DYRK1A: variants seen among roughly 807,000 people sequenced by gnomAD.
DYRK1A encodes dual specificity tyrosine phosphorylation regulated kinase 1A, also known as dual specificity tyrosine-phosphorylation-regulated kinase 1A.
A neutral mutation model predicts 79.7 loss-of-function variants in DYRK1A; 9 were observed. The ratio of observed to expected loss-of-function variants is 0.11; its 90% CI spans 0.07 to 0.20. The LOEUF is 0.20. DYRK1A is among the 10% of genes least tolerant of loss of function. The pLI is 1.00. For missense variants in DYRK1A, 622 were observed against 956.0 expected (o/e 0.65, Z 4.61); for synonymous variants, 349 against 329.7 (o/e 1.06, Z -0.63).
At chr21:37,483,894 C>G (rs529895721) in intron 5 of DYRK1A, among the ~76,000 whole-genome samples, 1 of 151,948 alleles carries the variant, frequency 6.6e-6, no homozygotes, top group African/African-American at 2.4e-5. Flanking sequence ...GGGAGTCCCT[C>G]TTGATTAAGG....
intron 1 of DYRK1A, among the ~76,000 whole-genome samples, chr21:37,378,006 A>G (rs2049581993): frequency 6.6e-6 from 1 of 152,178 alleles, no homozygotes; most frequent in Admixed American, 6.5e-5. Flanking sequence ...GAAAAGTAGC[A>G]GTAGTTTATG....
At position 37,472,807 on chromosome 21, in the gene DYRK1A, A is replaced by C; in HGVS notation, c.134A>C (p.Gln45Pro). The C allele has an allele frequency of 1.9e-6, 3 of 1,610,476 alleles. No individual in the cohort carries two copies. The highest frequency in any genetic ancestry group is 2.5e-6 in the Non-Finnish European group (3 of 1,177,388). The change falls in exon 3 of 12, where the codon CAG becomes CCG. Residue 45 changes from glutamine (Q) to proline (P), a missense_variant. This residue lies in a region of DYRK1A where 91 missense variants were observed against 113.8 expected (regional missense o/e 0.80). Transcript: ENST00000647188. The part of the protein sequence containing the change: ...PHSHQYSDRR[Q>P]PNISDQQVSA... ...TCACATCAGTACAGTGACCGTCGCC[A>C]GCCAAACATAAGTGACCAACAGGTT...
intron 6 of DYRK1A, chr21:37,487,368 T>C (rs2052908576): frequency 6.6e-6 from 1 of 152,180 alleles, no homozygotes; most frequent in African/African-American, 2.4e-5. Flanking sequence ...ATGACAATAC[T>C]GAAGTCTAGG....
chr21:37,502,459 C>G (rs574625063), intron 9 of DYRK1A: 2 of 152,112 alleles, frequency 1.3e-5, no homozygotes, highest in East Asian at 3.9e-4. Context: ...ATAATATGCA[C>G]GTTTAACATT....
intron 2 of DYRK1A, among the ~76,000 whole-genome samples, chr21:37,463,986 T>C (rs898851594): frequency 1.3e-5 from 2 of 152,226 alleles, no homozygotes; most frequent in African/African-American, 4.8e-5. Flanking sequence ...AAATCTACTA[T>C]CAATTAATAC....
chr21:37,504,391 T>C (rs1034728051), intron 9 of DYRK1A: 1 of 152,256 alleles, frequency 6.6e-6, no homozygotes, highest in Non-Finnish European at 1.5e-5. Context: ...ACTTGCGCCT[T>C]CTCCCACTGC....
intron 7 of DYRK1A, among the ~76,000 whole-genome samples, chr21:37,491,872 A>C (rs1302360798): frequency 2.0e-5 from 3 of 152,190 alleles, no homozygotes; most frequent in Admixed American, 6.5e-5. Flanking sequence ...CCCTACAATA[A>C]GTTTTTAACT....
intron 1 of DYRK1A, among the ~76,000 whole-genome samples, chr21:37,397,950 G>A (rs915247907): frequency 1.3e-5 from 2 of 151,654 alleles, no homozygotes; most frequent in Non-Finnish European, 2.9e-5. Context: ...TAAAAGTACC[G>A]TAAAAGACTG....
At chr21:37,375,124 A>C (rs1019885225) in intron 1 of DYRK1A, 2 of 152,172 alleles carry the variant, frequency 1.3e-5, no homozygotes, top group Non-Finnish European at 2.9e-5. Context: ...TAAAGTAAGT[A>C]TGTGGCTTTT....
At chr21:37,496,645 GA>G (rs767252990) in intron 9 of DYRK1A, among the ~76,000 whole-genome samples, 12 of 151,668 alleles carry the variant, frequency 7.9e-5, no homozygotes, top group Non-Finnish European at 1.5e-4. Context: ...TGGAGTAAAT[GA>G]TTTTTTTTTT....
In DYRK1A at chr21:37,366,793, A is replaced by G. The variant is rs2049314556; in HGVS notation, c.-912A>G. 6.6e-6 allele frequency: 1 copy of G among 151,260 alleles called. No individual in the cohort carries two copies. 9.4% of individuals were successfully genotyped at this position (151,260 alleles called of 1,614,324 possible). A position where few individuals can be genotyped will look rare whatever the true frequency, so the allele number is the denominator to read the frequency against. On this transcript the variant is annotated 5_prime_UTR_variant, in exon 1 of 12. Coordinates refer to ENST00000647188, the MANE Select transcript of DYRK1A (RefSeq NM_001347721.2). Reference sequence around the variant, plus strand: ...ATAGCGACCGGGTCGGTCCGTCGCCATTTTGTTGGTTGGTTTTTTTTTAAA... The same window carrying G: ...ATAGCGACCGGGTCGGTCCGTCGCCGTTTTGTTGGTTGGTTTTTTTTTAAA...
Position 37,521,523 on chromosome 21 carries a change from T to C in DYRK1A, c.*8992T>C, listed in dbSNP as rs926001143. ...GTCTTAGGGATGAGGACAAAAAGCA[T>C]GTCACATTTTGTTGTTATAAGTGGG... On this transcript the variant is annotated 3_prime_UTR_variant, in exon 12 of 12. Coordinates refer to ENST00000647188, the MANE Select transcript of DYRK1A (RefSeq NM_001347721.2). 3 of 152,256 alleles carry C rather than the reference T, an allele frequency of 2.0e-5. No homozygotes were observed. Among genetic ancestry groups the C allele is most frequent in the African/African-American group, 7.2e-5 (3 of 41,464 alleles). 9.4% of individuals were successfully genotyped at this position (152,256 alleles called of 1,614,324 possible).
intron 2 of DYRK1A, among the ~76,000 whole-genome samples, chr21:37,432,047 A>AC (rs1401030118): frequency 2.0e-4 from 30 of 152,252 alleles, no homozygotes; most frequent in African/African-American, 7.2e-4. Flanking sequence ...TTGACAATAT[A>AC]CTATTATAAC....
At chr21:37,482,384 CAT>C (rs1326416490) in intron 5 of DYRK1A, among the ~76,000 whole-genome samples, 1 of 152,142 alleles carries the variant, frequency 6.6e-6, no homozygotes, top group African/African-American at 2.4e-5. Context: ...GGAGACATCA[CAT>C]GTCGGTAGGT....
At chr21:37,508,326 C>T (rs1022552064) in intron 11 of DYRK1A, among the ~76,000 whole-genome samples, 1 of 152,176 alleles carries the variant, frequency 6.6e-6, no homozygotes, top group African/African-American at 2.4e-5. Flanking sequence ...CTTGCTCTGT[C>T]GCCCAGGCTG....
At position 37,493,933 on chromosome 21, in the gene DYRK1A, C is replaced by CTTTT. The variant is rs35158368; in HGVS notation, c.1071+788_1071+791dup. Among the ~76,000 whole-genome samples, 80 of 114,208 alleles carry CTTTT rather than the reference C, an allele frequency of 7.0e-4. 1 individual carries two copies. The highest frequency in any genetic ancestry group is 1.2e-3 in the South Asian group (4 of 3,408). The allele number at this position is 114,208 out of a possible 152,430, so 74.9% of individuals were successfully genotyped here. Reference sequence around the variant, plus strand: ...TCTTCCATCCTTCCTTTTAATTCTTCTTTTTTTTTTTTTTTTTTTTTCCCG... The same window carrying CTTTT: ...TCTTCCATCCTTCCTTTTAATTCTTCTTTTTTTTTTTTTTTTTTTTTTTTTCCCG... On this transcript the variant is annotated intron_variant, in intron 8 of 11. Transcript: ENST00000647188.
chr21:37,488,878 T>C lies in DYRK1A; in HGVS notation c.638-1297T>C, dbSNP rs945303975. The C allele has an allele frequency of 5.4e-5, 53 of 985,160 alleles. No individual in the cohort carries two copies. The South Asian group carries it at 1.9e-3, about 36-fold the overall frequency. 61.0% of individuals were successfully genotyped at this position (985,160 alleles called of 1,614,324 possible). ...ATGATTGTGAGGTATCATGGAACTA[T>C]GTTTTTAGTTTTAAACCTATAAACT... On this transcript the variant is annotated intron_variant, in intron 6 of 11. Coordinates refer to ENST00000647188, the MANE Select transcript of DYRK1A (RefSeq NM_001347721.2).
At chr21:37,369,291 A>T (rs1317139726) in intron 1 of DYRK1A, among the ~76,000 whole-genome samples, 3 of 152,192 alleles carry the variant, frequency 2.0e-5, no homozygotes, top group African/African-American at 4.8e-5. Flanking sequence ...CTTTAGGATA[A>T]TATTGTTTTC....
chr21:37,526,270 C>T lies in DYRK1A; in HGVS notation c.*13739C>T, dbSNP rs2053967189. 6.6e-6 allele frequency: 1 copy of T among 152,056 alleles called. No homozygotes were observed. Among genetic ancestry groups the T allele is most frequent in the African/African-American group, 2.4e-5 (1 of 41,396 alleles). The allele number at this position is 152,056 out of a possible 1,614,324, so 9.4% of individuals were successfully genotyped here. ...GAGAAGTGATTAATGTGTTGAAAGG[C>T]AACTATCTAAAGAAAAATTTAATAG... On this transcript the variant is annotated 3_prime_UTR_variant, in exon 12 of 12. Transcript: ENST00000647188.
Sources: gnomAD v4.1 joint callset for allele counts (sites outside exome capture counted in the v4.1 genomes callset) on GRCh38, gnomAD v4.1.1 for gene constraint, gnomAD v4.1.1 regional missense constraint, MANE v1.5 for transcripts, NCBI Gene and HGNC (gene_info 2026-07-23, HGNC 2026-07-21) for gene names.